TIAM1: variants seen among roughly 807,000 people sequenced by gnomAD.
TIAM1 encodes the protein TIAM Rac1 associated GEF 1.
TIAM1 carries 65 observed loss-of-function variants against 163.5 expected under a neutral mutation model. That is an observed-to-expected ratio of 0.40 (90% CI 0.33 to 0.49). The LOEUF (loss-of-function observed/expected upper bound fraction) is 0.49. Among genes scored for constraint, TIAM1 ranks in the 20% least tolerant of loss-of-function variants. The pLI, the probability that TIAM1 is intolerant of heterozygous loss-of-function variation, is 0.77. For missense variants in TIAM1, 1,789 were observed against 2,044.7 expected (o/e 0.87, Z 2.41); for synonymous variants, 833 against 810.1 (o/e 1.03, Z -0.48).
chr21:31,263,491 A>G (rs1426963903), intron 4 of TIAM1, among the ~76,000 whole-genome samples: 3 of 152,206 alleles, frequency 2.0e-5, no homozygotes, highest in African/African-American at 7.2e-5. Context: ...AAGCCAAAGA[A>G]TAGAAATTTC....
intron 1 of TIAM1, among the ~76,000 whole-genome samples, chr21:31,466,505 G>A (rs567146790): frequency 2.1e-4 from 32 of 152,242 alleles, no homozygotes; most frequent in Non-Finnish European, 3.7e-4. Context: ...GTGGGCTAAC[G>A]GCCTAGCTGA....
chr21:31,478,840 AC>A (rs2046018372), intron 1 of TIAM1, among the ~76,000 whole-genome samples: 2 of 152,216 alleles, frequency 1.3e-5, no homozygotes, highest in Non-Finnish European at 2.9e-5. Context: ...GCTAGCTGAC[AC>A]CCCAAATGCG....
intron 6 of TIAM1, among the ~76,000 whole-genome samples, chr21:31,230,345 G>A (rs924053320): frequency 7.9e-5 from 12 of 151,092 alleles, no homozygotes. Context: ...AAAAAGCCCA[G>A]AAAAATTAGG....
At chr21:31,343,908 C>T (rs1314385716) in intron 1 of TIAM1, among the ~76,000 whole-genome samples, 1 of 152,234 alleles carries the variant, frequency 6.6e-6, no homozygotes, top group Non-Finnish European at 1.5e-5. Flanking sequence ...TCGCCGCCGT[C>T]CCCTGCAGCT....
At chr21:31,473,798 A>G (rs1008130823) in intron 1 of TIAM1, among the ~76,000 whole-genome samples, 3 of 152,052 alleles carry the variant, frequency 2.0e-5, no homozygotes, top group African/African-American at 7.2e-5. Context: ...GTTCCATAAA[A>G]TCACTATTTT....
chr21:31,157,058 G>A (rs142018286), intron 16 of TIAM1, among the ~76,000 whole-genome samples: 3 of 152,222 alleles, frequency 2.0e-5, no homozygotes, highest in Admixed American at 6.5e-5. Context: ...TAAGCTAAAC[G>A]GCATAAAGAA....
At chr21:31,323,888 G>A (rs564570897) in intron 2 of TIAM1, among the ~76,000 whole-genome samples, 4 of 151,910 alleles carry the variant, frequency 2.6e-5, no homozygotes, top group African/African-American at 9.7e-5. Context: ...TGTGCTTGTA[G>A]TCCCAGCTAC....
At chr21:31,502,285 C>A (rs2046874422) in intron 1 of TIAM1, among the ~76,000 whole-genome samples, 1 of 151,760 alleles carries the variant, frequency 6.6e-6, no homozygotes, top group Admixed American at 6.6e-5. Flanking sequence ...TTTTATTTAT[C>A]TTTTGAGACA....
chr21:31,340,129 G>A (rs935485883), intron 1 of TIAM1, among the ~76,000 whole-genome samples: 2 of 151,594 alleles, frequency 1.3e-5, no homozygotes, highest in Non-Finnish European at 2.9e-5. Context: ...AGCAAATGAA[G>A]CCTTTTCCCA....
intron 2 of TIAM1, among the ~76,000 whole-genome samples, chr21:31,312,721 T>C (rs149876351): frequency 1.8e-4 from 27 of 152,276 alleles, no homozygotes; most frequent in African/African-American, 6.0e-4. Flanking sequence ...TTCTCGAAAG[T>C]AGCTGAGTAG....
chr21:31,458,015 A>C (rs961706941), intron 2 of TIAM1, among the ~76,000 whole-genome samples: 1 of 152,180 alleles, frequency 6.6e-6, no homozygotes, highest in Non-Finnish European at 1.5e-5. Flanking sequence ...CCCAACTAAA[A>C]CTGTACTAGA....
intron 1 of TIAM1, among the ~76,000 whole-genome samples, chr21:31,507,528 T>C (rs1304679632): frequency 1.8e-4 from 28 of 152,096 alleles, no homozygotes; most frequent in Admixed American, 1.8e-3. Flanking sequence ...CTTTTAAAAT[T>C]ATATCACACT....
chr21:31,135,362 A>G (rs1486295618), intron 23 of TIAM1, among the ~76,000 whole-genome samples: 1 of 152,242 alleles, frequency 6.6e-6, no homozygotes. Flanking sequence ...TTATTAAAAA[A>G]TAAGTCATTC....
intron 15 of TIAM1, among the ~76,000 whole-genome samples, chr21:31,171,683 C>A (rs150088754): frequency 6.6e-6 from 1 of 152,150 alleles, no homozygotes. Context: ...TCTCTTTAAG[C>A]GCAGACTTTT....
chr21:31,422,857 G>A (rs1013284313), intron 2 of TIAM1, among the ~76,000 whole-genome samples: 1 of 152,094 alleles, frequency 6.6e-6, no homozygotes. Flanking sequence ...TCATTGCTCC[G>A]TAAAGATTCC....
chr21:31,318,649 C>A (rs1360815561), intron 2 of TIAM1, among the ~76,000 whole-genome samples: 1 of 152,144 alleles, frequency 6.6e-6, no homozygotes, highest in Non-Finnish European at 1.5e-5. Flanking sequence ...GTAAAGCCAA[C>A]AAAATTTACT....
chr21:31,388,369 G>A (rs1197424274), intron 2 of TIAM1, among the ~76,000 whole-genome samples: 1 of 152,036 alleles, frequency 6.6e-6, no homozygotes, highest in African/African-American at 2.4e-5. Flanking sequence ...AGCCGGGCAT[G>A]GTGGCTCACA....
At chr21:31,183,976 T>C (rs1187407703) in intron 14 of TIAM1, among the ~76,000 whole-genome samples, 1 of 152,090 alleles carries the variant, frequency 6.6e-6, no homozygotes, top group Non-Finnish European at 1.5e-5. Context: ...TGAGACGAAG[T>C]CTCACTCTGT....
intron 27 of TIAM1, among the ~76,000 whole-genome samples, chr21:31,121,278 C>A (rs897380102): frequency 1.3e-5 from 2 of 152,136 alleles, no homozygotes; most frequent in African/African-American, 4.8e-5. Flanking sequence ...CTATGAAGAT[C>A]CCCAGGGCTG....
Sources: gnomAD v4.1 joint callset for allele counts (sites outside exome capture counted in the v4.1 genomes callset) on GRCh38, gnomAD v4.1.1 for gene constraint, MANE v1.5 for transcripts, NCBI Gene and HGNC (gene_info 2026-07-23, HGNC 2026-07-21) for gene names.